Variants in EHMT1 observed in about 807,000 individuals in gnomAD.
EHMT1 encodes histone-lysine N-methyltransferase EHMT1.
In EHMT1, 15 loss-of-function variants were observed where a neutral mutation model predicts 147.2. That is an observed-to-expected ratio of 0.10 (90% CI 0.07 to 0.16). EHMT1 has a LOEUF of 0.16. Ranked by LOEUF, EHMT1 falls within the 10% of genes least tolerant of loss-of-function variation. The probability of loss-of-function intolerance (pLI) is 1.00; values close to 1 mark genes in which losing one functional copy is unlikely to be tolerated. For synonymous variants in EHMT1, 795 were observed against 709.6 expected (o/e 1.12, Z -1.91); for missense variants, 1,587 against 1,772.4 (o/e 0.90, Z 1.88).
intron 16 of EHMT1, among the ~76,000 whole-genome samples, 164 bp downstream of exon 16, chr9:137,791,134 T>C (rs962022622): frequency 2.6e-5 from 4 of 152,206 alleles, no homozygotes; most frequent in African/African-American, 9.7e-5. Flanking sequence ...ACCTGGTTTA[T>C]TATTAAAAAC....
rs201649287 is a variant in EHMT1 at position 137,787,212 on chromosome 9, T to TA, written c.2383-3627dup. Reference sequence around the variant, plus strand: ...GGTCTGCTCTTCTGTCATCTCTCATTAAAAAAAAATGTTGTAAATTCCTTT... The same window carrying TA: ...GGTCTGCTCTTCTGTCATCTCTCATTAAAAAAAAAATGTTGTAAATTCCTTT... On this transcript the variant is annotated intron_variant, in intron 15 of 26. Transcript: ENST00000460843. The surrounding 1 kb of genome is among the most constrained non-coding windows in gnomAD (Gnocchi z 4.2). The TA allele has an allele frequency of 2.1e-4, 32 of 151,164 alleles. No homozygotes were observed. In the East Asian group the frequency reaches 2.5e-3, roughly 12 times the overall value. The allele number at this position is 151,164 out of a possible 1,614,324, so 9.4% of individuals were successfully genotyped here. A position where few individuals can be genotyped will look rare whatever the true frequency, so the allele number is the denominator to read the frequency against.
chr9:137,740,414 A>G (rs1345561089), intron 4 of EHMT1, among the ~76,000 whole-genome samples: 1 of 151,942 alleles, frequency 6.6e-6, no homozygotes. Flanking sequence ...TGGACTGCAA[A>G]TCCTCCTTCC....
chr9:137,635,832 A>G (rs1844023688), intron 1 of EHMT1, among the ~76,000 whole-genome samples: 1 of 151,834 alleles, frequency 6.6e-6, no homozygotes, highest in Non-Finnish European at 1.5e-5. Context: ...AACAAAACAA[A>G]ACAAAAAACA....
intron 1 of EHMT1, among the ~76,000 whole-genome samples, chr9:137,665,747 A>C (rs1939572154): frequency 1.3e-5 from 2 of 152,194 alleles, no homozygotes; most frequent in Non-Finnish European, 2.9e-5. Context: ...GAAAACAATA[A>C]ATGTCTCGTT....
At chr9:137,793,233 TCAA>T (rs1391201712) in intron 16 of EHMT1, among the ~76,000 whole-genome samples, 2 of 152,274 alleles carry the variant, frequency 1.3e-5, no homozygotes, top group African/African-American at 2.4e-5. Context: ...GTTGTACATC[TCAA>T]CAACAACAGA....
chr9:137,809,969 C>T (rs55676822), intron 18 of EHMT1, among the ~76,000 whole-genome samples: 6 of 109,600 alleles, frequency 5.5e-5, no homozygotes, highest in South Asian at 2.7e-4. Flanking sequence ...TGTGGACCGT[C>T]GGTGATGGGT....
Position 137,782,661 on chromosome 9 carries a change from G to T in EHMT1, c.2382+264G>T, listed in dbSNP as rs765103589. Among the ~76,000 whole-genome samples the T allele has an allele frequency of 6.6e-6, 1 of 152,122 alleles. No homozygotes were observed. Among genetic ancestry groups the T allele is most frequent in the Non-Finnish European group, 1.5e-5 (1 of 68,028 alleles). The stretch of plus-strand genomic sequence containing the variant: ...TTTGCTTTCTTTGGTTTTGGTTTTG[G>T]TTCTTCACACTCATGACGTCCCTCT... On this transcript the variant is annotated intron_variant, in intron 15 of 26. Coordinates refer to ENST00000460843, the MANE Select transcript of EHMT1 (RefSeq NM_024757.5). This position sits in a 1 kb window ranked among gnomAD's most constrained non-coding sequence, Gnocchi z 5.7.
chr9:137,718,760 C>CTTT (rs780405612), intron 3 of EHMT1, among the ~76,000 whole-genome samples: 1 of 136,306 alleles, frequency 7.3e-6, no homozygotes, highest in African/African-American at 2.9e-5. Flanking sequence ...TTTTCTTTTT[C>CTTT]TTTTTTTTTT....
chr9:137,682,887 C>G lies in EHMT1; in HGVS notation c.22-28080C>G, dbSNP rs1413487529. Reference sequence around the variant, plus strand: ...TGGGTCACTCCAGCCCAGCTGCGAACAGGTGCGCTGCCTGCAGGGGCTGCC... The same window carrying G: ...TGGGTCACTCCAGCCCAGCTGCGAAGAGGTGCGCTGCCTGCAGGGGCTGCC... On this transcript the variant is annotated intron_variant, in intron 1 of 26. Coordinates refer to ENST00000460843, the MANE Select transcript of EHMT1 (RefSeq NM_024757.5). Among the ~76,000 whole-genome samples, 3 of 152,356 alleles carry G rather than the reference C, an allele frequency of 2.0e-5. No homozygotes were observed. In the Middle Eastern group the frequency reaches 0.01, roughly 518 times the overall value.
Position 137,835,684 on chromosome 9 carries a change from T to C in EHMT1, c.*731T>C, listed in dbSNP as rs577078231. On this transcript the variant is annotated 3_prime_UTR_variant, in exon 27 of 27. Transcript: ENST00000460843. ...ATGCTATGATGAATAAACTGATTTA[T>C]TTTCTACCATTACTGAACATTAGGA... 2.0e-5 allele frequency: 3 copies of C among 152,770 alleles called. No homozygotes were observed. The South Asian group carries it at 6.2e-4, about 32-fold the overall frequency. The allele number at this position is 152,770 out of a possible 1,614,324, so 9.5% of individuals were successfully genotyped here. A position where few individuals can be genotyped will look rare whatever the true frequency, so the allele number is the denominator to read the frequency against.
intron 1 of EHMT1, among the ~76,000 whole-genome samples, chr9:137,679,181 C>G (rs1941696580): frequency 6.6e-6 from 1 of 152,158 alleles, no homozygotes; most frequent in Non-Finnish European, 1.5e-5. Flanking sequence ...GAACTCCTGA[C>G]TTCGTGATCT....
intron 6 of EHMT1, chr9:137,745,702 CTCTT>C (rs1360067332): frequency 5.0e-6 from 2 of 396,422 alleles, no homozygotes; most frequent in Non-Finnish European, 8.9e-6. Context: ...CTGTGTTACG[CTCTT>C]TCTGTCAAGT....
intron 25 of EHMT1, among the ~76,000 whole-genome samples, chr9:137,832,481 T>C (rs1431424568): frequency 1.4e-5 from 2 of 138,150 alleles, no homozygotes; most frequent in African/African-American, 2.8e-5. Context: ...CCACGCGGCC[T>C]CTGCACCTCG....
chr9:137,800,681 T>C (rs1470202199), intron 17 of EHMT1, 199 bp from the exon 18 acceptor site: 1 of 605,226 alleles, frequency 1.7e-6, no homozygotes, highest in Non-Finnish European at 3.0e-6. Context: ...TCTGCCTTCA[T>C]CCTGCGCTTG....
At chr9:137,795,091 A>G (rs565610715) in intron 16 of EHMT1, 3 of 152,312 alleles carry the variant, frequency 2.0e-5, no homozygotes, top group South Asian at 4.1e-4. Flanking sequence ...TCCTTAGAGC[A>G]TGCGACTTCT....
chr9:137,627,423 G>A (rs1217083943), intron 1 of EHMT1, among the ~76,000 whole-genome samples: 2 of 151,050 alleles, frequency 1.3e-5, no homozygotes, highest in South Asian at 2.1e-4. Flanking sequence ...CCACCACTCC[G>A]GGATAATTTT....
chr9:137,789,425 G>A (rs973942415), intron 15 of EHMT1, among the ~76,000 whole-genome samples: 28 of 152,218 alleles, frequency 1.8e-4, no homozygotes, highest in African/African-American at 6.8e-4. Flanking sequence ...CAGAGCCACA[G>A]CTCCTCTGCA....
At chr9:137,724,500 A>G (rs757964443) in intron 3 of EHMT1, among the ~76,000 whole-genome samples, 2 of 152,258 alleles carry the variant, frequency 1.3e-5, no homozygotes, top group Admixed American at 6.5e-5. Flanking sequence ...AGCCATTCTT[A>G]GTCTTACTGT....
At chr9:137,718,389 TTCTC>T (rs1044141662) in intron 3 of EHMT1, among the ~76,000 whole-genome samples, 1 of 152,258 alleles carries the variant, frequency 6.6e-6, no homozygotes, top group African/African-American at 2.4e-5. Flanking sequence ...CCGTGGAATT[TTCTC>T]TCTCTGACAT....
Sources: gnomAD v4.1 joint callset for allele counts (sites outside exome capture counted in the v4.1 genomes callset) on GRCh38, gnomAD v4.1.1 for gene constraint, Gnocchi (gnomAD v3.1) non-coding constraint, MANE v1.5 for transcripts, NCBI Gene and HGNC (gene_info 2026-07-23, HGNC 2026-07-21) for gene names.